SDK2: variants seen among roughly 807,000 people sequenced by gnomAD.
The protein encoded by SDK2 is protein sidekick-2.
SDK2 carries 105 observed loss-of-function variants against 253.9 expected under a neutral mutation model. The ratio of observed to expected loss-of-function variants is 0.41; its 90% CI spans 0.35 to 0.49. The LOEUF is 0.49. SDK2 is among the 20% of genes least tolerant of loss of function. The probability of loss-of-function intolerance (pLI) is 0.06; values close to 1 mark genes in which losing one functional copy is unlikely to be tolerated. For missense variants in SDK2, 2,608 were observed against 3,003.0 expected, an observed-to-expected ratio of 0.87 and a Z score of 3.07; for synonymous variants, 1,249 against 1,234.9, an observed-to-expected ratio of 1.01 and a Z score of -0.24.
chr17:73,452,352 AC>A (rs764273376), intron 4 of SDK2, among the ~76,000 whole-genome samples: 1 of 151,988 alleles, frequency 6.6e-6, no homozygotes, highest in Non-Finnish European at 1.5e-5. Flanking sequence ...GCTGCCAGGG[AC>A]CTTTTCTGCT....
chr17:73,403,425 GC>G (rs1345574711), intron 18 of SDK2, among the ~76,000 whole-genome samples: 9 of 139,724 alleles, frequency 6.4e-5, no homozygotes, highest in Admixed American at 1.5e-4. Flanking sequence ...CCTGGCCCCC[GC>G]CCCCTCCCGC....
chr17:73,612,383 C>A lies in SDK2; in HGVS notation c.64+31642G>T, dbSNP rs1481934134. Among the ~76,000 whole-genome samples the A allele has an allele frequency of 5.9e-5, 9 of 151,748 alleles. No homozygotes were observed. Among genetic ancestry groups the A allele is most frequent in the Non-Finnish European group, 1.2e-4 (8 of 67,906 alleles). On this transcript the variant is annotated intron_variant, in intron 1 of 44. Coordinates refer to ENST00000392650, the MANE Select transcript of SDK2 (RefSeq NM_001144952.2). This position sits in a 1 kb window ranked among gnomAD's most constrained non-coding sequence, Gnocchi z 4.4. ...GCTGGCCCCGCACAGTCCCCACCCT[C>A]ACCGGGTCCCTGTGGCCCAGCTGCA... is the stretch of plus-strand genomic sequence containing the variant.
intron 2 of SDK2, among the ~76,000 whole-genome samples, chr17:73,499,434 C>T (rs1028727241): frequency 1.3e-5 from 2 of 152,284 alleles, no homozygotes; most frequent in African/African-American, 2.4e-5. Flanking sequence ...CAGATGCCCA[C>T]CTGGCTCTCC....
intron 1 of SDK2, among the ~76,000 whole-genome samples, chr17:73,587,235 G>C (rs551492558): frequency 1.3e-5 from 2 of 152,258 alleles, no homozygotes; most frequent in Non-Finnish European, 2.9e-5. Flanking sequence ...GGCAAAATCA[G>C]CTCAGCTGCC....
intron 36 of SDK2, among the ~76,000 whole-genome samples, chr17:73,370,057 T>C (rs1317619132): frequency 6.6e-6 from 1 of 152,196 alleles, no homozygotes; most frequent in Non-Finnish European, 1.5e-5. Flanking sequence ...TTGGAGGTCA[T>C]TTGGCGCCCC....
intron 1 of SDK2, among the ~76,000 whole-genome samples, chr17:73,591,803 C>G (rs2045685950): frequency 6.6e-6 from 1 of 152,116 alleles, no homozygotes; most frequent in East Asian, 1.9e-4. Context: ...TGCGGAGATG[C>G]TTATCTGTGG....
intron 1 of SDK2, among the ~76,000 whole-genome samples, chr17:73,553,305 C>T (rs1438815388): frequency 6.6e-6 from 1 of 152,204 alleles, no homozygotes; most frequent in African/African-American, 2.4e-5. Flanking sequence ...AGACCATTCT[C>T]ACTGTCAAGG....
Position 73,456,032 on chromosome 17 carries a change from C to T in SDK2, c.353G>A (p.Gly118Asp), listed in dbSNP as rs1367182814. ...GTGGGAGACGCTCTGGTGCTTCTCA[C>T]CTTCCTCAAAGCTCCCCATGTCTGC... ...QVAYMGSFEE[G>D]EKHQSVSHGE... is the part of the protein sequence containing the mutation. Residue 118 changes from glycine to aspartate, a missense_variant, in exon 4 of 45, where the codon GGT (glycine) becomes GAT (aspartate). Gly to Asp is a moderately conservative substitution (Grantham distance 94). Around this residue, in one of 2 missense-constraint regions of SDK2, gnomAD observed 1,505 missense variants for 1,859.1 expected, o/e 0.81. Coordinates refer to ENST00000392650, the MANE Select transcript of SDK2 (RefSeq NM_001144952.2). The T allele has an allele frequency of 1.3e-6, 2 of 1,525,606 alleles. No individual in the cohort carries two copies. The highest frequency in any genetic ancestry group is 2.5e-5 in the East Asian group (1 of 39,700). The allele number at this position is 1,525,606 out of a possible 1,614,324, so 94.5% of individuals were successfully genotyped here. A position where few individuals can be genotyped will look rare whatever the true frequency, so the allele number is the denominator to read the frequency against.
intron 1 of SDK2, among the ~76,000 whole-genome samples, chr17:73,561,117 C>T (rs6501653): frequency 0.31 from 47,341 of 152,006 alleles, 7,716 homozygotes; most frequent in East Asian, 0.48. Flanking sequence ...CAGTGCTCCA[C>T]CCCAGACTCC....
In SDK2 at chr17:73,383,990, T is replaced by C; in HGVS notation, c.4591A>G (p.Asn1531Asp). ...ATCCGGAAGCCCAGGAGGATGCCAT[T>C]GATCTTGTCCTCTGCTGGCGGCTGC... ...RWQPPAEDKI[N>D]GILLGFRIRY... Residue 1531 changes from asparagine to aspartate, a missense_variant, in exon 33 of 45, where the codon AAT (asparagine) becomes GAT (aspartate). By Grantham distance (23) the Asn-to-Asp change is conservative (BLOSUM62 1). Around this residue, in one of 2 missense-constraint regions of SDK2, gnomAD observed 1,103 missense variants for 1,143.9 expected, o/e 0.96. Coordinates refer to ENST00000392650, the MANE Select transcript of SDK2 (RefSeq NM_001144952.2). This position sits in a 1 kb window ranked among gnomAD's most constrained non-coding sequence, Gnocchi z 4.3. The C allele has an allele frequency of 6.2e-7, 1 of 1,613,830 alleles. No individual in the cohort carries two copies. Among genetic ancestry groups the C allele is most frequent in the Non-Finnish European group, 8.5e-7 (1 of 1,179,838 alleles).
At chr17:73,563,405 C>G (rs530378561) in intron 1 of SDK2, among the ~76,000 whole-genome samples, 2 of 152,230 alleles carry the variant, frequency 1.3e-5, no homozygotes, top group South Asian at 4.2e-4. Flanking sequence ...GAGACCCCAC[C>G]TCTACAAAAA....
chr17:73,627,965 T>C (rs1016932949), intron 1 of SDK2, among the ~76,000 whole-genome samples: 3 of 152,026 alleles, frequency 2.0e-5, no homozygotes, highest in Admixed American at 1.3e-4. Flanking sequence ...GGCAGGAGAA[T>C]GGCATGAACC....
intron 3 of SDK2, among the ~76,000 whole-genome samples, chr17:73,457,277 TCC>T (rs2063534197): frequency 4.2e-5 from 2 of 48,018 alleles, no homozygotes; most frequent in Non-Finnish European, 7.7e-5. Context: ...CTTCCTTCCT[TCC>T]TTCCTTCCCC....
intron 1 of SDK2, among the ~76,000 whole-genome samples, chr17:73,515,978 G>A (rs911557766): frequency 3.9e-5 from 6 of 152,162 alleles, no homozygotes; most frequent in Non-Finnish European, 8.8e-5. Context: ...CAAACCATTG[G>A]GGGTGACCAC....
intron 2 of SDK2, among the ~76,000 whole-genome samples, chr17:73,485,442 G>A (rs1022868728): frequency 2.0e-5 from 3 of 152,190 alleles, no homozygotes; most frequent in African/African-American, 7.2e-5. Context: ...CTGGGATAAC[G>A]GGGAGGCTGG....
chr17:73,545,084 T>A (rs928257646), intron 1 of SDK2, among the ~76,000 whole-genome samples: 1 of 100,794 alleles, frequency 9.9e-6, no homozygotes, highest in African/African-American at 5.1e-5. Flanking sequence ...GCATTCTCAT[T>A]GCGTGCACGT....
At position 73,365,270 on chromosome 17, in the gene SDK2, T is replaced by C. The variant is rs765774263; in HGVS notation, c.5293A>G (p.Ser1765Gly). Residue 1765 changes from serine (S) to glycine (G), a missense_variant, in exon 38 of 45, where the codon AGC becomes GGC. This residue lies in a region of SDK2 where 1,103 missense variants were observed against 1,143.9 expected (regional missense o/e 0.96). Transcript: ENST00000392650. ...EGYRLVYEPC[S>G]PVDGVSKIVT... is the part of the protein sequence containing the mutation. ...GGGGTCCACTCACCATCCACGGGGC[T>C]GCAGGGCTCGTACACCAGCCTGTAG... The C allele has an allele frequency of 1.9e-6, 3 of 1,609,646 alleles. No individual in the cohort carries two copies. Among genetic ancestry groups the C allele is most frequent in the African/African-American group, 2.7e-5 (2 of 74,886 alleles).
At chr17:73,551,978 G>A (rs1245577322) in intron 1 of SDK2, among the ~76,000 whole-genome samples, 2 of 152,228 alleles carry the variant, frequency 1.3e-5, no homozygotes, top group Non-Finnish European at 2.9e-5. Context: ...CAGACTGATA[G>A]ATGGGTGAAG....
At chr17:73,507,624 C>T in intron 1 of SDK2, 27 bp from the exon 2 acceptor site, 1 of 1,546,894 alleles carries the variant, frequency 6.5e-7, no homozygotes, top group Non-Finnish European at 8.7e-7. Flanking sequence ...ACAAAGCCAC[C>T]AGTGATCACT....
Sources: allele counts gnomAD v4.1 joint callset (sites outside exome capture counted in the v4.1 genomes callset), GRCh38; gene constraint gnomAD v4.1.1; regional missense constraint gnomAD v4.1.1; non-coding constraint Gnocchi (gnomAD v3.1); transcripts MANE v1.5; gene names NCBI Gene and HGNC (gene_info 2026-07-23, HGNC 2026-07-21).